The following PLEKHA5 variants were observed in gnomAD, a reference collection of about 807,000 sequenced individuals.
PLEKHA5 encodes pleckstrin homology domain containing A5.
Under a neutral mutation model 181.9 loss-of-function variants are expected in PLEKHA5, and 55 were observed. That is an observed-to-expected ratio of 0.30 (90% CI 0.24 to 0.38). PLEKHA5 has a LOEUF of 0.38. PLEKHA5 is among the 10% of genes least tolerant of loss of function. The pLI is 1.00. For synonymous variants in PLEKHA5, 535 were observed against 529.4 expected, an observed-to-expected ratio of 1.01 and a Z score of -0.15; for missense variants, 1,432 against 1,549.5, an observed-to-expected ratio of 0.92 and a Z score of 1.27.
intron 3 of PLEKHA5, among the ~76,000 whole-genome samples, chr12:19,249,308 A>C (rs1939258225): frequency 6.6e-6 from 1 of 152,208 alleles, no homozygotes; most frequent in Non-Finnish European, 1.5e-5. Flanking sequence ...TTTGAACACA[A>C]AAACTGCAAT....
intron 3 of PLEKHA5, among the ~76,000 whole-genome samples, chr12:19,217,429 G>A (rs2058164336): frequency 6.6e-6 from 1 of 152,212 alleles, no homozygotes; most frequent in African/African-American, 2.4e-5. Flanking sequence ...TAGGAGCTTG[G>A]CATACGGCCT....
chr12:19,283,098 G>T (rs1208281258), intron 11 of PLEKHA5, among the ~76,000 whole-genome samples, 182 bp from the exon 12 acceptor site: 1 of 119,200 alleles, frequency 8.4e-6, no homozygotes, highest in Non-Finnish European at 1.6e-5. Flanking sequence ...AGTGAGCCGA[G>T]ATCACGCCAT....
At chr12:19,239,557 C>T (rs1355182901) in intron 3 of PLEKHA5, among the ~76,000 whole-genome samples, 2 of 152,190 alleles carry the variant, frequency 1.3e-5, no homozygotes, top group Non-Finnish European at 2.9e-5. Context: ...GCATTACTAT[C>T]TGGGCCTTTT....
chr12:19,366,209 C>T (rs1007772168), intron 30 of PLEKHA5, 100 bp downstream of exon 30: 1 of 973,742 alleles, frequency 1.0e-6, no homozygotes, highest in Non-Finnish European at 1.6e-6. Flanking sequence ...CGCTTAAGTA[C>T]CTTGACTACA....
chr12:19,314,171 G>A (rs993691651), intron 15 of PLEKHA5, among the ~76,000 whole-genome samples: 1 of 152,084 alleles, frequency 6.6e-6, no homozygotes, highest in Non-Finnish European at 1.5e-5. Flanking sequence ...GTTAAGCTTG[G>A]TTTCAGACTA....
intron 3 of PLEKHA5, chr12:19,152,525 C>T (rs1008764551): frequency 6.6e-6 from 1 of 152,120 alleles, no homozygotes; most frequent in Non-Finnish European, 1.5e-5. Flanking sequence ...TATAAATTGC[C>T]CATGCAATGC....
chr12:19,239,235 G>A (rs2061990768), intron 3 of PLEKHA5, among the ~76,000 whole-genome samples: 2 of 152,264 alleles, frequency 1.3e-5, no homozygotes, highest in African/African-American at 4.8e-5. Context: ...ATCAAAACCT[G>A]CTAGTTAACT....
chr12:19,270,088 C>A, intron 9 of PLEKHA5, 100 bp from the exon 10 acceptor site: 2 of 729,590 alleles, frequency 2.7e-6, no homozygotes, highest in South Asian at 2.2e-5. Context: ...ATTTTTATTC[C>A]ACTTTTCTTC....
intron 15 of PLEKHA5, among the ~76,000 whole-genome samples, chr12:19,311,273 AAAAAAAT>A (rs899783504): frequency 3.4e-5 from 5 of 146,110 alleles, no homozygotes; most frequent in South Asian, 2.3e-4. Context: ...AAAAAAAAAA[AAAAAAAT>A]TTTTAATCAG....
At chr12:19,305,873 A>AAAAAAC (rs1555155244) in intron 15 of PLEKHA5, among the ~76,000 whole-genome samples, 2 of 133,824 alleles carry the variant, frequency 1.5e-5, no homozygotes, top group Non-Finnish European at 3.2e-5. Context: ...AAAAAAAAAA[A>AAAAAAC]AAAAAAAAAA....
intron 26 of PLEKHA5, among the ~76,000 whole-genome samples, chr12:19,356,656 G>GTTTT (rs2094940490): frequency 8.5e-6 from 1 of 117,634 alleles, no homozygotes; most frequent in Non-Finnish European, 1.8e-5. Context: ...AGAGGAAGTT[G>GTTTT]TTTTTCTTTT....
At chr12:19,290,572 A>G (rs1001556436) in intron 13 of PLEKHA5, 105 bp from the exon 14 acceptor site, 6 of 981,710 alleles carry the variant, frequency 6.1e-6, no homozygotes, top group African/African-American at 3.2e-5. Context: ...TTTGATGTCA[A>G]CCATAAGAGG....
intron 3 of PLEKHA5, among the ~76,000 whole-genome samples, chr12:19,146,826 A>G (rs2039046087): frequency 6.6e-6 from 1 of 152,198 alleles, no homozygotes; most frequent in South Asian, 2.1e-4. Flanking sequence ...GAAAGTAGCA[A>G]TGTGTTAGAC....
intron 3 of PLEKHA5, among the ~76,000 whole-genome samples, chr12:19,241,105 A>G (rs192400779): frequency 1.3e-5 from 2 of 152,312 alleles, no homozygotes; most frequent in African/African-American, 4.8e-5. Context: ...GATGCAGAGA[A>G]CCAACAATTA....
At chr12:19,250,003 A>C (rs927392211) in intron 3 of PLEKHA5, among the ~76,000 whole-genome samples, 1 of 152,178 alleles carries the variant, frequency 6.6e-6, no homozygotes, top group Non-Finnish European at 1.5e-5. Context: ...TCTGCTCTGC[A>C]TTATAAACTG....
At chr12:19,309,802 A>G (rs6486948) in intron 15 of PLEKHA5, among the ~76,000 whole-genome samples, 4,618 of 152,234 alleles carry the variant, frequency 0.03, 91 homozygotes, top group Middle Eastern at 0.041. Flanking sequence ...GTGTTACTGC[A>G]GTAGTATTCT....
At chr12:19,305,549 A>C (rs1227798473) in intron 15 of PLEKHA5, among the ~76,000 whole-genome samples, 1 of 96,774 alleles carries the variant, frequency 1.0e-5, no homozygotes, top group African/African-American at 3.7e-5. Flanking sequence ...TGACAGCGAG[A>C]CTGTGTCTCA....
chr12:19,155,674 C>T (rs929915925), intron 3 of PLEKHA5, among the ~76,000 whole-genome samples: 1 of 152,176 alleles, frequency 6.6e-6, no homozygotes, highest in Non-Finnish European at 1.5e-5. Flanking sequence ...TACTACTTTG[C>T]ACTAAGATTA....
chr12:19,321,425 A>G (rs1461113273), intron 18 of PLEKHA5, among the ~76,000 whole-genome samples: 1 of 123,992 alleles, frequency 8.1e-6, no homozygotes, highest in Non-Finnish European at 1.6e-5. Flanking sequence ...GTGCAGTGTC[A>G]TGATCTCAAC....
Sources: allele counts gnomAD v4.1 joint callset (sites outside exome capture counted in the v4.1 genomes callset), GRCh38; gene constraint gnomAD v4.1.1; transcripts MANE v1.5; gene names NCBI Gene and HGNC (gene_info 2026-07-23, HGNC 2026-07-21).